The following CLSTN2 variants were observed in gnomAD, a reference collection of about 807,000 sequenced individuals.
CLSTN2 encodes the protein calsyntenin-2.
A neutral mutation model predicts 101.2 loss-of-function variants in CLSTN2; 48 were observed. The observed-to-expected ratio is 0.47, with a 90% CI of 0.38 to 0.60. The LOEUF is 0.60. CLSTN2 is among the 20% of genes least tolerant of loss of function. CLSTN2 has a pLI of 0.00. For missense variants in CLSTN2, 1,160 were observed against 1,238.2 expected (o/e 0.94, Z 0.95); for synonymous variants, 481 against 463.6 (o/e 1.04, Z -0.48).
intron 1 of CLSTN2, among the ~76,000 whole-genome samples, chr3:140,075,943 C>A (rs868082914): frequency 6.6e-6 from 1 of 152,036 alleles, no homozygotes; most frequent in Non-Finnish European, 1.5e-5. Flanking sequence ...AGTAAGAACA[C>A]TTCACATGAG....
chr3:140,158,833 A>G (rs925726590), intron 1 of CLSTN2, among the ~76,000 whole-genome samples: 1 of 152,194 alleles, frequency 6.6e-6, no homozygotes, highest in African/African-American at 2.4e-5. Flanking sequence ...AAACAGACAC[A>G]TGGACGAATG....
intron 1 of CLSTN2, among the ~76,000 whole-genome samples, chr3:140,071,514 T>C (rs888065426): frequency 2.6e-5 from 4 of 152,066 alleles, no homozygotes; most frequent in African/African-American, 9.7e-5. Flanking sequence ...AGAGCATCAA[T>C]AGGCAATCCA....
At chr3:139,980,731 A>G (rs1399569508) in intron 1 of CLSTN2, among the ~76,000 whole-genome samples, 3 of 152,118 alleles carry the variant, frequency 2.0e-5, no homozygotes, top group African/African-American at 7.2e-5. Context: ...GCCCCAGAAC[A>G]GTGCCACCAC....
rs189809896 is a variant in CLSTN2 at position 140,193,362 on chromosome 3, C to T, written c.232+17289C>T. Among the ~76,000 whole-genome samples the T allele has an allele frequency of 3.7e-5, 5 of 135,872 alleles. 1 individual carries two copies. In the South Asian group the frequency reaches 9.9e-4, roughly 27 times the overall value. The allele number at this position is 135,872 out of a possible 152,430, so 89.1% of individuals were successfully genotyped here. Reference sequence around the variant, plus strand: ...CAAATTCCTTTTGTCTTTCTTCATTCAAGAATGTCTTGATTTTCTTTTCAT... The same window carrying T: ...CAAATTCCTTTTGTCTTTCTTCATTTAAGAATGTCTTGATTTTCTTTTCAT... On this transcript the variant is annotated intron_variant, in intron 2 of 16. Coordinates refer to ENST00000458420, the MANE Select transcript of CLSTN2 (RefSeq NM_022131.3).
At chr3:139,989,436 A>T in intron 1 of CLSTN2, among the ~76,000 whole-genome samples, 1 of 152,018 alleles carries the variant, frequency 6.6e-6, no homozygotes, top group East Asian at 1.9e-4. Flanking sequence ...TGTTGCAGAG[A>T]GTGCTGCCCT....
chr3:140,081,518 C>T (rs780221220), intron 1 of CLSTN2, among the ~76,000 whole-genome samples: 43 of 151,928 alleles, frequency 2.8e-4, no homozygotes, highest in Non-Finnish European at 5.4e-4. Flanking sequence ...TTATTTAGTA[C>T]GGAATCAGGA....
chr3:140,462,071 G>C (rs6776763), intron 7 of CLSTN2, among the ~76,000 whole-genome samples: 6,457 of 151,922 alleles, frequency 0.043, 432 homozygotes, highest in African/African-American at 0.15. Flanking sequence ...AGAGAACACA[G>C]AAATTAACTA....
At chr3:140,003,712 A>G (rs4683785) in intron 1 of CLSTN2, among the ~76,000 whole-genome samples, 31,384 of 152,070 alleles carry the variant, frequency 0.21, 3,562 homozygotes, top group Admixed American at 0.34. Context: ...CTCTATACCA[A>G]GTTTTTTGAG....
intron 1 of CLSTN2, among the ~76,000 whole-genome samples, chr3:139,973,776 C>T (rs1935762858): frequency 6.6e-6 from 1 of 152,276 alleles, no homozygotes. Context: ...GTAGCTGCAA[C>T]TACAGATGTG....
chr3:140,123,056 C>G (rs1035437854), intron 1 of CLSTN2, among the ~76,000 whole-genome samples: 18 of 150,812 alleles, frequency 1.2e-4, no homozygotes, highest in Non-Finnish European at 1.8e-4. Flanking sequence ...TTATTTCTCA[C>G]AGTTCTGGAG....
intron 1 of CLSTN2, among the ~76,000 whole-genome samples, chr3:140,050,598 C>A (rs769547757): frequency 6.6e-6 from 1 of 152,126 alleles, no homozygotes; most frequent in East Asian, 1.9e-4. Context: ...AACAGGAGAC[C>A]AAACTGGGAC....
rs1559910111 is a variant in CLSTN2, at chr3:140,576,067, ACT to A, written c.*9816_*9817del. The A allele has an allele frequency of 6.6e-6, 1 of 152,120 alleles. No homozygotes were observed. The highest frequency in any genetic ancestry group is 1.5e-5 in the Non-Finnish European group (1 of 68,020). The allele number at this position is 152,120 out of a possible 1,614,324, so 9.4% of individuals were successfully genotyped here. A position where few individuals can be genotyped will look rare whatever the true frequency, so the allele number is the denominator to read the frequency against. ...CCCAGCTTATCACTCCTTCATAGAG[ACT>A]CAGTAGTATGAGTATACCCCAAATT... On this transcript the variant is annotated 3_prime_UTR_variant, in exon 17 of 17. Transcript: ENST00000458420.
At chr3:140,125,457 G>A (rs929083110) in intron 1 of CLSTN2, among the ~76,000 whole-genome samples, 1 of 152,102 alleles carries the variant, frequency 6.6e-6, no homozygotes, top group East Asian at 1.9e-4. Context: ...GGAAGGCAGA[G>A]TACATGAGAG....
intron 1 of CLSTN2, among the ~76,000 whole-genome samples, chr3:140,167,875 A>C (rs1346758341): frequency 6.6e-6 from 1 of 152,162 alleles, no homozygotes; most frequent in East Asian, 1.9e-4. Flanking sequence ...CTGTTTTGTT[A>C]TATGGATCAG....
intron 1 of CLSTN2, among the ~76,000 whole-genome samples, chr3:139,998,308 A>T (rs1221689727): frequency 1.5e-5 from 2 of 132,162 alleles, no homozygotes; most frequent in Non-Finnish European, 3.2e-5. Flanking sequence ...TTAAATTGGG[A>T]TAATGGGATA....
At chr3:140,096,009 G>A (rs1201110396) in intron 1 of CLSTN2, among the ~76,000 whole-genome samples, 1 of 152,162 alleles carries the variant, frequency 6.6e-6, no homozygotes, top group Non-Finnish European at 1.5e-5. Flanking sequence ...GGTAGAAGAG[G>A]AAATTTAAGG....
intron 2 of CLSTN2, among the ~76,000 whole-genome samples, chr3:140,362,166 C>G (rs2087736678): frequency 6.6e-6 from 1 of 152,124 alleles, no homozygotes; most frequent in East Asian, 1.9e-4. Flanking sequence ...AACCCTTAAA[C>G]TTTTATGATC....
intron 1 of CLSTN2, among the ~76,000 whole-genome samples, chr3:139,972,405 A>G (rs1935728006): frequency 6.6e-6 from 1 of 152,196 alleles, no homozygotes; most frequent in Non-Finnish European, 1.5e-5. Context: ...AGTGAAGGAA[A>G]TAATGATGTT....
chr3:140,422,033 C>T (rs749730295), intron 5 of CLSTN2, among the ~76,000 whole-genome samples: 2 of 152,066 alleles, frequency 1.3e-5, no homozygotes, highest in African/African-American at 2.4e-5. Context: ...ATTTTGGCTG[C>T]CCGATGACTC....
Sources: gnomAD v4.1 joint callset for allele counts (sites outside exome capture counted in the v4.1 genomes callset) on GRCh38, gnomAD v4.1.1 for gene constraint, MANE v1.5 for transcripts, NCBI Gene and HGNC (gene_info 2026-07-23, HGNC 2026-07-21) for gene names.